Variants in TXNRD1 observed in about 807,000 individuals in gnomAD.
The protein encoded by TXNRD1 is thioredoxin reductase 1, cytoplasmic.
TXNRD1 carries 57 observed loss-of-function variants against 80.3 expected under a neutral mutation model. The observed-to-expected ratio is 0.71, with a 90% CI of 0.57 to 0.89. TXNRD1 has a LOEUF of 0.89. TXNRD1 is among the 40% of genes least tolerant of loss of function. TXNRD1 has a pLI of 0.00. For synonymous variants in TXNRD1, 291 were observed against 285.2 expected, an observed-to-expected ratio of 1.02 and a Z score of -0.20; for missense variants, 730 against 803.0, an observed-to-expected ratio of 0.91 and a Z score of 1.10.
intron 15 of TXNRD1, among the ~76,000 whole-genome samples, chr12:104,335,092 T>C (rs35764486): frequency 0.07 from 10,714 of 152,224 alleles, 645 homozygotes; most frequent in African/African-American, 0.16. Context: ...GTAAATCTAA[T>C]GTATTTTAAG....
chr12:104,222,576 G>C (rs976330021), intron 1 of TXNRD1, among the ~76,000 whole-genome samples: 1 of 152,238 alleles, frequency 6.6e-6, no homozygotes, highest in African/African-American at 2.4e-5. Context: ...TTTTGGGCCA[G>C]ATGCAGTGGC....
intron 3 of TXNRD1, among the ~76,000 whole-genome samples, chr12:104,285,593 T>C (rs2033954325): frequency 6.6e-6 from 1 of 152,244 alleles, no homozygotes; most frequent in African/African-American, 2.4e-5. Flanking sequence ...TTTTAGTACA[T>C]TATTTCAAGT....
At chr12:104,229,686 G>A (rs1169127983) in intron 1 of TXNRD1, among the ~76,000 whole-genome samples, 13 of 151,556 alleles carry the variant, frequency 8.6e-5, no homozygotes, top group South Asian at 2.1e-4. Context: ...TCTGCCTCCC[G>A]GGTTCAACCG....
At chr12:104,224,530 A>G (rs1017509648) in intron 1 of TXNRD1, among the ~76,000 whole-genome samples, 3 of 152,074 alleles carry the variant, frequency 2.0e-5, no homozygotes, top group African/African-American at 7.2e-5. Flanking sequence ...CTGGGATTAC[A>G]GGTGGCCACC....
intron 1 of TXNRD1, among the ~76,000 whole-genome samples, chr12:104,242,497 G>A (rs1468152725): frequency 6.6e-6 from 1 of 151,814 alleles, no homozygotes; most frequent in Non-Finnish European, 1.5e-5. Context: ...GCAGTGAGCT[G>A]AGGTTGTGCC....
At chr12:104,304,508 G>GT in intron 4 of TXNRD1, 1 of 1,614,004 alleles carries the variant, frequency 6.2e-7, no homozygotes, top group Non-Finnish European at 8.5e-7. Context: ...CCAGAAAAAA[G>GT]TTCGCAAGAT....
intron 10 of TXNRD1, among the ~76,000 whole-genome samples, chr12:104,321,932 T>C (rs374096244): frequency 1.5e-4 from 23 of 152,296 alleles, no homozygotes; most frequent in African/African-American, 5.5e-4. Flanking sequence ...GACTAATAGA[T>C]AATTTTCTCT....
chr12:104,339,124 T>A lies in TXNRD1; in HGVS notation c.1747-15T>A. ...AATCAGCTTAATTGCATTATTGTAT[T>A]TTTTTTTGCCTTAGGAACGTGTTGT... On this transcript the variant is annotated splice_polypyrimidine_tract_variant and intron_variant, in intron 15 of 16. Transcript: ENST00000525566. The A allele has an allele frequency of 6.2e-7, 1 of 1,607,230 alleles. No homozygotes were observed. Among genetic ancestry groups the A allele is most frequent in the Non-Finnish European group, 8.5e-7 (1 of 1,175,472 alleles).
Position 104,331,526 on chromosome 12 carries a change from T to G in TXNRD1, c.1543-8T>G. ...CTATTATAACTCCTTACCTCCATTT[T>G]TAAACAGTGTGACTATGAAAATGTT... On this transcript the variant is annotated splice_region_variant and splice_polypyrimidine_tract_variant and intron_variant, in intron 13 of 16. Coordinates refer to ENST00000525566, the MANE Select transcript of TXNRD1 (RefSeq NM_001093771.3). 23 of 1,588,888 alleles carry G rather than the reference T, an allele frequency of 1.4e-5. No individual in the cohort carries two copies. Among genetic ancestry groups the G allele is most frequent in the Non-Finnish European group, 2.0e-5 (23 of 1,163,478 alleles).
At position 104,337,695 on chromosome 12, in the gene TXNRD1, AAAAAC is replaced by A. The variant is rs1356069416; in HGVS notation, c.1747-1429_1747-1425del. Among the ~76,000 whole-genome samples the A allele has an allele frequency of 3.9e-5, 6 of 151,952 alleles. No homozygotes were observed. In the East Asian group the frequency reaches 9.6e-4, roughly 24 times the overall value. ...AACATGGCAAAACCCCATGTCTATTAAAAACAAAACAAAACAAAAATGTTTTCAGA... is the reference window on the plus strand; with the variant it reads ...AACATGGCAAAACCCCATGTCTATTAAAAACAAAACAAAAATGTTTTCAGA... On this transcript the variant is annotated intron_variant, in intron 15 of 16. Coordinates refer to ENST00000525566, the MANE Select transcript of TXNRD1 (RefSeq NM_001093771.3).
chr12:104,326,630 T>C (rs960459922), intron 12 of TXNRD1, among the ~76,000 whole-genome samples: 1 of 151,826 alleles, frequency 6.6e-6, no homozygotes, highest in Non-Finnish European at 1.5e-5. Flanking sequence ...CACACCTGGC[T>C]AATTTTTGTA....
In TXNRD1 at chr12:104,318,933, A is replaced by C. The variant is rs766860634; in HGVS notation, c.751A>C (p.Met251Leu). The C allele has an allele frequency of 6.2e-7, 1 of 1,612,660 alleles. No homozygotes were observed. Among genetic ancestry groups the C allele is most frequent in the South Asian group, 1.1e-5 (1 of 90,646 alleles). Residue 251 changes from methionine (M) to leucine (L), a missense_variant, in exon 8 of 17, where the codon ATG becomes CTG. Met to Leu is a conservative substitution (Grantham distance 15). Transcript: ENST00000525566. ...EETVKHDWDR[M>L]IEAVQNHIGS... ...TACAGTTAAGCATGATTGGGACAGA[A>C]TGATAGAAGCTGTACAGAATCACAT...
intron 4 of TXNRD1, among the ~76,000 whole-genome samples, chr12:104,308,264 GGATTACAGGCGT>G (rs1273780231): frequency 2.0e-5 from 3 of 152,086 alleles, no homozygotes; most frequent in African/African-American, 7.2e-5. Context: ...CAAAGTGCTG[GGATTACAGGCGT>G]GAGCCACCAC....
Position 104,334,237 on chromosome 12 carries a change from G to T in TXNRD1, c.1651G>T (p.Val551Phe), listed in dbSNP as rs758996793. 4 of 1,509,350 alleles carry T rather than the reference G, an allele frequency of 2.7e-6. No individual in the cohort carries two copies. In the South Asian group the frequency reaches 3.9e-5, roughly 15 times the overall value. The allele number at this position is 1,509,350 out of a possible 1,614,324, so 93.5% of individuals were successfully genotyped here. A position where few individuals can be genotyped will look rare whatever the true frequency, so the allele number is the denominator to read the frequency against. Residue 551 changes from valine to phenylalanine, a missense_variant and splice_region_variant, in exon 15 of 17, where the codon GTT becomes TTT. Coordinates refer to ENST00000525566, the MANE Select transcript of TXNRD1 (RefSeq NM_001093771.3). Reference sequence around the variant, plus strand: ...AAATTTTGCTTTTGTATCTTCTTAGGTTTACCATAGTTACTTTTGGCCATT... The same window carrying T: ...AAATTTTGCTTTTGTATCTTCTTAGTTTTACCATAGTTACTTTTGGCCATT... ...VEKFGEENIE[V>F]YHSYFWPLEW...
chr12:104,277,714 T>C (rs987726931), intron 3 of TXNRD1, among the ~76,000 whole-genome samples: 3 of 151,800 alleles, frequency 2.0e-5, no homozygotes, highest in African/African-American at 7.3e-5. Flanking sequence ...TTTTTGTCCC[T>C]ACAAATCAAG....
chr12:104,242,544 G>A (rs945667839), intron 1 of TXNRD1, among the ~76,000 whole-genome samples: 7 of 148,432 alleles, frequency 4.7e-5, no homozygotes, highest in African/African-American at 9.9e-5. Flanking sequence ...GTGAAACTCC[G>A]TCTAAAAAAA....
chr12:104,278,601 A>G (rs1162270222), intron 3 of TXNRD1, among the ~76,000 whole-genome samples: 1 of 149,212 alleles, frequency 6.7e-6, no homozygotes, highest in East Asian at 2.0e-4. Flanking sequence ...TCCCGGGTTC[A>G]AGCAGTTCTC....
At chr12:104,312,156 T>C (rs10861195) in intron 5 of TXNRD1, among the ~76,000 whole-genome samples, 74,103 of 151,918 alleles carry the variant, frequency 0.49, 18,528 homozygotes, top group East Asian at 0.62. Context: ...CTCTCCAATA[T>C]AAAAAAAGAT....
chr12:104,299,398 T>C (rs2034541564), intron 4 of TXNRD1, among the ~76,000 whole-genome samples: 1 of 148,240 alleles, frequency 6.7e-6, no homozygotes, highest in Non-Finnish European at 1.5e-5. Context: ...ATCTGTCTTA[T>C]CATAGCAAAG....
Sources: allele counts gnomAD v4.1 joint callset (sites outside exome capture counted in the v4.1 genomes callset), GRCh38; gene constraint gnomAD v4.1.1; transcripts MANE v1.5; gene names NCBI Gene and HGNC (gene_info 2026-07-23, HGNC 2026-07-21).